The following CSMD2 variants were observed in gnomAD, a reference collection of about 807,000 sequenced individuals.
The protein encoded by CSMD2 is CUB and Sushi multiple domains 2.
CSMD2 carries 130 observed loss-of-function variants against 398.5 expected under a neutral mutation model. The ratio of observed to expected loss-of-function variants is 0.33; its 90% confidence interval spans 0.28 to 0.38. The LOEUF is 0.38. CSMD2 is among the 10% of genes least tolerant of loss of function. The pLI is 1.00. For synonymous variants in CSMD2, 1,828 were observed against 1,908.5 expected (o/e 0.96, Z 1.10); for missense variants, 3,829 against 4,764.9 (o/e 0.80, Z 5.78).
In CSMD2 at chr1:33,944,728, CCT is replaced by C. The variant is rs1644788731; in HGVS notation, c.518-8776_518-8775del. Among the ~76,000 whole-genome samples the C allele has an allele frequency of 2.6e-5, 4 of 152,190 alleles. No individual in the cohort carries two copies. The South Asian group carries it at 8.3e-4, about 32-fold the overall frequency. ...GCGGACGGAGGTACTACAACTGTCT[CCT>C]TTTTACAGGGAGGAAACTGAGGAAC... On this transcript the variant is annotated intron_variant, in intron 3 of 70. Coordinates refer to ENST00000373381, the MANE Select transcript of CSMD2 (RefSeq NM_001281956.2).
Position 33,646,767 on chromosome 1 carries a change from A to T in CSMD2, c.4655T>A (p.Ile1552Lys), listed in dbSNP as rs1165693355. ...GAGCTGGGAGCCATAGAAGCTTCCTATGAGAGGGCTGAGAGAGTCCCGTCC... is the reference window on the plus strand; with the variant it reads ...GAGCTGGGAGCCATAGAAGCTTCCTTTGAGAGGGCTGAGAGAGTCCCGTCC... ...YDGRDSLSPL[I>K]GSFYGSQLPG... The change falls in exon 29 of 71, where the codon ATA becomes AAA. Residue 1552 changes from isoleucine (I) to lysine (K), a missense_variant. Ile to Lys is a moderately radical substitution (Grantham distance 102). Transcript: ENST00000373381. 2 of 1,614,150 alleles carry T rather than the reference A, an allele frequency of 1.2e-6. No homozygotes were observed. Among genetic ancestry groups the T allele is most frequent in the Non-Finnish European group, 1.7e-6 (2 of 1,180,004 alleles).
intron 55 of CSMD2, among the ~76,000 whole-genome samples, chr1:33,552,444 C>G (rs1406777529): frequency 6.6e-6 from 1 of 152,186 alleles, no homozygotes; most frequent in Non-Finnish European, 1.5e-5. Flanking sequence ...CACACAAAAA[C>G]TTATACACAA....
intron 1 of CSMD2, among the ~76,000 whole-genome samples, chr1:34,134,148 C>T (rs895193829): frequency 1.3e-5 from 2 of 151,436 alleles, no homozygotes; most frequent in Non-Finnish European, 2.9e-5. Context: ...ATGCCTCATG[C>T]TTGTGGTCTC....
At chr1:33,606,587 TG>T (rs1190599024) in intron 41 of CSMD2, among the ~76,000 whole-genome samples, 6 of 152,174 alleles carry the variant, frequency 3.9e-5, no homozygotes, top group Non-Finnish European at 8.8e-5. Flanking sequence ...CACGGGGGTT[TG>T]GGCCGTTTGG....
intron 24 of CSMD2, among the ~76,000 whole-genome samples, chr1:33,694,933 GGAAGAGTTTACTGTCTAGTAGA>G (rs1645368529): frequency 6.6e-6 from 1 of 152,178 alleles, no homozygotes; most frequent in African/African-American, 2.4e-5. Context: ...GCCCTCCCCT[GGAAGAGTTTACTGTCTAGTAGA>G]GAAGACAGCC....
chr1:34,163,072 C>A lies in CSMD2; in HGVS notation c.187+1839G>T, dbSNP rs1192157391. Among the ~76,000 whole-genome samples, 1 of 152,180 alleles carries A rather than the reference C, an allele frequency of 6.6e-6. No individual in the cohort carries two copies. Among genetic ancestry groups the A allele is most frequent in the Non-Finnish European group, 1.5e-5 (1 of 68,016 alleles). ...AGCGGTGCAAGCGCCGGTGAGTCGGCCTTTTTCTCTCCCCTAGGGGCAGGA... is the reference window on the plus strand; with the variant it reads ...AGCGGTGCAAGCGCCGGTGAGTCGGACTTTTTCTCTCCCCTAGGGGCAGGA... On this transcript the variant is annotated intron_variant, in intron 1 of 70. Coordinates refer to ENST00000373381, the MANE Select transcript of CSMD2 (RefSeq NM_001281956.2). The surrounding 1 kb of genome is among the most constrained non-coding windows in gnomAD (Gnocchi z 5.4).
At chr1:33,817,407 G>T (rs7512146) in intron 9 of CSMD2, among the ~76,000 whole-genome samples, 67,198 of 152,054 alleles carry the variant, frequency 0.44, 16,038 homozygotes, top group East Asian at 0.63. Context: ...GGAAGATTTT[G>T]TTTTCCTTGT....
chr1:34,071,476 T>G (rs1226713326), intron 2 of CSMD2, among the ~76,000 whole-genome samples: 1 of 152,254 alleles, frequency 6.6e-6, no homozygotes, highest in Non-Finnish European at 1.5e-5. Context: ...GGAGGTGGGT[T>G]CTGCTCCATG....
At chr1:34,021,591 C>G (rs1648894585) in intron 3 of CSMD2, among the ~76,000 whole-genome samples, 1 of 152,172 alleles carries the variant, frequency 6.6e-6, no homozygotes, top group African/African-American at 2.4e-5. Context: ...CAGGGTCAAG[C>G]CTGGGGCACC....
chr1:33,788,683 A>G lies in CSMD2; in HGVS notation c.1580T>C (p.Ile527Thr). 1.9e-6 allele frequency: 3 copies of G among 1,613,710 alleles called. No homozygotes were observed. Among genetic ancestry groups the G allele is most frequent in the Non-Finnish European group, 1.7e-6 (2 of 1,179,646 alleles). ...CCACATTTGATGATTGGTGCTGACA[A>G]TGAGATCCGGGACCGATGTACCTGT... ...ILTGTSVPDL[I>T]VSTNHQMWLL... The change falls in exon 12 of 71, where the codon ATT becomes ACT. Residue 527 changes from isoleucine to threonine, a missense_variant. This residue lies in a region of CSMD2 where 2,001 missense variants were observed against 2,567.1 expected (regional missense o/e 0.78). Coordinates refer to ENST00000373381, the MANE Select transcript of CSMD2 (RefSeq NM_001281956.2).
At chr1:33,700,367 A>T in intron 23 of CSMD2, 150 bp downstream of exon 23, 1 of 740,742 alleles carries the variant, frequency 1.3e-6, no homozygotes, top group Non-Finnish European at 2.2e-6. Flanking sequence ...CATTTTGTTT[A>T]CCCATGCATC....
At chr1:34,128,932 G>T (rs1663028895) in intron 1 of CSMD2, among the ~76,000 whole-genome samples, 1 of 151,942 alleles carries the variant, frequency 6.6e-6, no homozygotes, top group African/African-American at 2.4e-5. Flanking sequence ...CTGGCATGCA[G>T]AATTCACACC....
At chr1:33,930,684 A>T (rs542846605) in intron 4 of CSMD2, among the ~76,000 whole-genome samples, 1 of 152,274 alleles carries the variant, frequency 6.6e-6, no homozygotes, top group East Asian at 1.9e-4. Context: ...AATCCACATG[A>T]TCTTCCCTCT....
At chr1:34,060,665 T>TC (rs1342267010) in intron 2 of CSMD2, among the ~76,000 whole-genome samples, 1 of 148,968 alleles carries the variant, frequency 6.7e-6, no homozygotes, top group Non-Finnish European at 1.5e-5. Context: ...TTTTTTTTTT[T>TC]CTTCTCTCTT....
rs576753739 is a variant in CSMD2 at position 33,786,840 on chromosome 1, A to T, written c.1663+1760T>A. Among the ~76,000 whole-genome samples, 8 of 152,318 alleles carry T rather than the reference A, an allele frequency of 5.3e-5. No homozygotes were observed. The East Asian group carries it at 1.3e-3, about 26-fold the overall frequency. On this transcript the variant is annotated intron_variant, in intron 12 of 70. Coordinates refer to ENST00000373381, the MANE Select transcript of CSMD2 (RefSeq NM_001281956.2). ...ATAGCTGTCATCTTTACCCCAGGAGACATCATTGTATGACATTGTTAGTGT... is the reference window on the plus strand; with the variant it reads ...ATAGCTGTCATCTTTACCCCAGGAGTCATCATTGTATGACATTGTTAGTGT...
intron 2 of CSMD2, among the ~76,000 whole-genome samples, chr1:34,067,091 G>A (rs939204582): frequency 2.6e-5 from 4 of 152,158 alleles, no homozygotes; most frequent in African/African-American, 9.7e-5. Flanking sequence ...CAGGCAGCCA[G>A]AGAAGGCTCG....
chr1:33,881,250 C>T (rs1641218028), intron 5 of CSMD2, among the ~76,000 whole-genome samples: 2 of 152,194 alleles, frequency 1.3e-5, no homozygotes, highest in South Asian at 4.1e-4. Context: ...TCCTGATCCT[C>T]TGAGACAGTC....
chr1:34,054,689 G>A (rs9425980), intron 2 of CSMD2, among the ~76,000 whole-genome samples: 2,266 of 152,248 alleles, frequency 0.015, 72 homozygotes, highest in African/African-American at 0.052. Context: ...GCAGTGAGCC[G>A]AGATCGCGCC....
chr1:33,659,326 A>G (rs888007353), intron 26 of CSMD2, among the ~76,000 whole-genome samples: 2 of 152,208 alleles, frequency 1.3e-5, no homozygotes, highest in African/African-American at 4.8e-5. Context: ...AGAGAAAGGA[A>G]TCTCAAGAGC....
Sources: allele counts gnomAD v4.1 joint callset (sites outside exome capture counted in the v4.1 genomes callset), GRCh38; gene constraint gnomAD v4.1.1; regional missense constraint gnomAD v4.1.1; non-coding constraint Gnocchi (gnomAD v3.1); transcripts MANE v1.5; gene names NCBI Gene and HGNC (gene_info 2026-07-23, HGNC 2026-07-21).